The following PTPRD variants were observed in gnomAD, a reference collection of about 807,000 sequenced individuals.
PTPRD encodes protein tyrosine phosphatase receptor type D.
A neutral mutation model predicts 214.5 loss-of-function variants in PTPRD; 34 were observed. The observed-to-expected ratio is 0.16, with a 90% CI of 0.12 to 0.21. The LOEUF is 0.21. PTPRD is among the 10% of genes least tolerant of loss of function. The pLI, the probability that PTPRD is intolerant of heterozygous loss-of-function variation, is 1.00. For missense variants in PTPRD, 2,545 were observed against 2,398.7 expected, an observed-to-expected ratio of 1.06 and a Z score of -1.27; for synonymous variants, 1,128 against 845.7, an observed-to-expected ratio of 1.33 and a Z score of -5.79.
At chr9:9,645,866 T>A (rs1373307361) in intron 7 of PTPRD, among the ~76,000 whole-genome samples, 1 of 152,172 alleles carries the variant, frequency 6.6e-6, no homozygotes, top group Non-Finnish European at 1.5e-5. Context: ...TACAAGCAAA[T>A]TTCCTAAAGC....
intron 9 of PTPRD, among the ~76,000 whole-genome samples, chr9:9,221,926 A>T (rs2099956335): frequency 6.6e-6 from 1 of 152,016 alleles, no homozygotes; most frequent in Non-Finnish European, 1.5e-5. Flanking sequence ...CCCACCCTAG[A>T]CCTACTGAGT....
At chr9:10,225,706 A>G (rs556953205) in intron 3 of PTPRD, among the ~76,000 whole-genome samples, 62 of 152,198 alleles carry the variant, frequency 4.1e-4, no homozygotes, top group African/African-American at 1.4e-3. Context: ...TGTCGTATTC[A>G]TACTGTGGAT....
chr9:10,424,182 A>C (rs2098587809), intron 2 of PTPRD, among the ~76,000 whole-genome samples: 1 of 152,010 alleles, frequency 6.6e-6, no homozygotes, highest in African/African-American at 2.4e-5. Context: ...GATTAACATT[A>C]GATGAAAATG....
chr9:8,338,784 A>AG (rs2132194217), intron 43 of PTPRD, 138 bp downstream of exon 43: 1 of 766,698 alleles, frequency 1.3e-6, no homozygotes, highest in Admixed American at 2.8e-5. Context: ...AACATAAAAA[A>AG]AAACGTTCTC....
At chr9:10,444,853 T>C (rs2098787712) in intron 2 of PTPRD, among the ~76,000 whole-genome samples, 1 of 152,004 alleles carries the variant, frequency 6.6e-6, no homozygotes. Context: ...TTCTAATTTT[T>C]AAAATTGTTT....
chr9:9,499,902 T>A (rs2096347568), intron 8 of PTPRD, among the ~76,000 whole-genome samples: 1 of 151,948 alleles, frequency 6.6e-6, no homozygotes, highest in Non-Finnish European at 1.5e-5. Flanking sequence ...TGATTGCCAA[T>A]AAACTGCAAT....
chr9:10,471,998 C>A (rs922868308), intron 2 of PTPRD, among the ~76,000 whole-genome samples: 1 of 152,018 alleles, frequency 6.6e-6, no homozygotes, highest in African/African-American at 2.4e-5. Flanking sequence ...TAAAATGACA[C>A]ATGTGAGTTT....
At chr9:10,114,582 GTA>G (rs1233859302) in intron 3 of PTPRD, among the ~76,000 whole-genome samples, 1 of 151,440 alleles carries the variant, frequency 6.6e-6, no homozygotes, top group Admixed American at 6.6e-5. Flanking sequence ...TTATATAGGT[GTA>G]TATATATATG....
chr9:10,217,671 C>T (rs1258649616), intron 3 of PTPRD, among the ~76,000 whole-genome samples: 2 of 151,844 alleles, frequency 1.3e-5, no homozygotes, highest in African/African-American at 2.4e-5. Flanking sequence ...TCTAAAGCTC[C>T]TTGTCAGAGT....
chr9:9,930,306 C>G (rs1025058894), intron 5 of PTPRD, among the ~76,000 whole-genome samples: 4 of 152,060 alleles, frequency 2.6e-5, no homozygotes, highest in Admixed American at 2.0e-4. Flanking sequence ...TGAGATCATT[C>G]AAATAGAACA....
intron 7 of PTPRD, among the ~76,000 whole-genome samples, chr9:9,689,142 G>A (rs1005613817): frequency 4.0e-5 from 6 of 151,654 alleles, no homozygotes; most frequent in South Asian, 2.1e-4. Context: ...ATTGTATAAC[G>A]ATAAAAATTA....
intron 3 of PTPRD, among the ~76,000 whole-genome samples, chr9:10,212,678 C>T (rs958457491): frequency 1.3e-5 from 2 of 152,022 alleles, no homozygotes; most frequent in Non-Finnish European, 2.9e-5. Flanking sequence ...AATCTTTTCC[C>T]CATAAACCAG....
chr9:9,873,833 T>G (rs375479643), intron 5 of PTPRD, among the ~76,000 whole-genome samples: 1 of 152,108 alleles, frequency 6.6e-6, no homozygotes, highest in African/African-American at 2.4e-5. Context: ...TATTGGGAAT[T>G]AGTGTTATGA....
At chr9:10,448,345 G>C (rs2098813720) in intron 2 of PTPRD, among the ~76,000 whole-genome samples, 1 of 152,084 alleles carries the variant, frequency 6.6e-6, no homozygotes, top group East Asian at 1.9e-4. Context: ...ATAGATAGCT[G>C]CTGCTTTTGA....
At chr9:10,306,214 T>C (rs1467183302) in intron 3 of PTPRD, among the ~76,000 whole-genome samples, 1 of 147,026 alleles carries the variant, frequency 6.8e-6, no homozygotes, top group African/African-American at 2.6e-5. Context: ...TAAGTGGGAG[T>C]TGAACAATGA....
At chr9:10,556,246 T>C (rs544914638) in intron 2 of PTPRD, among the ~76,000 whole-genome samples, 1 of 151,918 alleles carries the variant, frequency 6.6e-6, no homozygotes, top group South Asian at 2.1e-4. Context: ...CCTATCAATA[T>C]AATAGCTATA....
chr9:10,573,804 G>A (rs1360611676), intron 2 of PTPRD, among the ~76,000 whole-genome samples: 1 of 152,146 alleles, frequency 6.6e-6, no homozygotes, highest in Non-Finnish European at 1.5e-5. Flanking sequence ...AAAGGCAAAT[G>A]TGAGAGAAGC....
chr9:9,829,821 G>A (rs2054216931), intron 5 of PTPRD, among the ~76,000 whole-genome samples: 1 of 151,674 alleles, frequency 6.6e-6, no homozygotes, highest in African/African-American at 2.4e-5. Flanking sequence ...ACTTTTAAGA[G>A]ATCCATTGTT....
intron 7 of PTPRD, among the ~76,000 whole-genome samples, chr9:9,631,321 A>C (rs1192381822): frequency 6.6e-6 from 1 of 152,126 alleles, no homozygotes; most frequent in Non-Finnish European, 1.5e-5. Flanking sequence ...TTGTGAAAAT[A>C]TGCAGCAAGA....
Sources: gnomAD v4.1 joint callset for allele counts (sites outside exome capture counted in the v4.1 genomes callset) on GRCh38, gnomAD v4.1.1 for gene constraint, MANE v1.5 for transcripts, NCBI Gene and HGNC (gene_info 2026-07-23, HGNC 2026-07-21) for gene names.